C17orf113: variants seen among roughly 807,000 people sequenced by gnomAD.
The protein encoded by C17orf113 is chromosome 17 open reading frame 113, also known as uncharacterized protein C17orf113.
In C17orf113, 5 loss-of-function variants were observed where a neutral mutation model predicts 11.6. The ratio of observed to expected loss-of-function variants is 0.43; its 90% CI spans 0.23 to 0.91. The LOEUF (loss-of-function observed/expected upper bound fraction) is 0.91, where lower values mean the gene tolerates loss of function less well. Ranked by LOEUF, C17orf113 falls within the 40% of genes least tolerant of loss-of-function variation. C17orf113 has a pLI of 0.26. For synonymous variants in C17orf113, 327 were observed against 390.6 expected, an observed-to-expected ratio of 0.84 and a Z score of 1.92; for missense variants, 714 against 841.3, an observed-to-expected ratio of 0.85 and a Z score of 1.87.
chr17:42,048,744 C>T (rs540881373), intron 1 of C17orf113, among the ~76,000 whole-genome samples: 1 of 152,248 alleles, frequency 6.6e-6, no homozygotes, highest in South Asian at 2.1e-4. Flanking sequence ...TCCCTTCTCT[C>T]CACACCACTG....
Position 42,039,729 on chromosome 17 carries a change from G to T in C17orf113, c.2004C>A (p.Gly668=). 3 of 1,232,538 alleles carry T rather than the reference G, an allele frequency of 2.4e-6. No individual in the cohort carries two copies. Among genetic ancestry groups the T allele is most frequent in the Non-Finnish European group, 3.0e-6 (3 of 988,252 alleles). 76.4% of individuals were successfully genotyped at this position (1,232,538 alleles called of 1,614,324 possible). Residue 668 remains glycine, a synonymous_variant, in exon 3 of 3, where the codon GGC becomes GGA. Coordinates refer to ENST00000587304, the MANE Select transcript of C17orf113 (RefSeq NM_001358661.2). ...CTCAGGTGAGCTGCGACCCCAGGAAGCCCTCTCCCCACCCACTCTCTAAGA... is the reference window on the plus strand; with the variant it reads ...CTCAGGTGAGCTGCGACCCCAGGAATCCCTCTCCCCACCCACTCTCTAAGA... The part of the protein sequence containing the change: ...VEFLESGWGE[G]FLGSQLT
In C17orf113 at chr17:42,041,159, CCT is replaced by C. The variant is rs1307700681; in HGVS notation, c.572_573del (p.Glu191GlyfsTer38). ...GGGGATGCCTTCAGGCGCTGGCAGG[CCT>C]CTGTGTGCAAGACACTGGCAATGGC... ...QVAIASVLHTEACQRLKASPY... is the reference protein window; with the variant it reads ...QVAIASVLHTXACQRLKASPY... On this transcript the variant is annotated frameshift_variant, in exon 3 of 3. Coordinates refer to ENST00000587304, the MANE Select transcript of C17orf113 (RefSeq NM_001358661.2). LOFTEE classifies it low-confidence loss of function (END_TRUNC). The C allele has an allele frequency of 4.9e-6, 6 of 1,232,210 alleles. No individual in the cohort carries two copies. In the African/African-American group the frequency reaches 9.3e-5, roughly 19 times the overall value. 76.3% of individuals were successfully genotyped at this position (1,232,210 alleles called of 1,614,324 possible).
In C17orf113 at chr17:42,038,573, C is replaced by T. The variant is rs531635524; in HGVS notation, c.*1132G>A. The T allele has an allele frequency of 1.3e-5, 2 of 152,286 alleles. No homozygotes were observed. Among genetic ancestry groups the T allele is most frequent in the East Asian group, 3.9e-4 (2 of 5,180 alleles). 9.4% of individuals were successfully genotyped at this position (152,286 alleles called of 1,614,324 possible). A position where few individuals can be genotyped will look rare whatever the true frequency, so the allele number is the denominator to read the frequency against. On this transcript the variant is annotated 3_prime_UTR_variant, in exon 3 of 3. Transcript: ENST00000587304. ...GGCAAGGGCAGGGGAGGGGTAGGAA[C>T]TTGGAGAGCAACTGGACTTTGAGGA...
intron 1 of C17orf113, among the ~76,000 whole-genome samples, chr17:42,045,066 C>T (rs1323104136): frequency 2.0e-5 from 3 of 152,270 alleles, no homozygotes; most frequent in South Asian, 2.1e-4. Context: ...TACAGGCACC[C>T]GCCATCACGC....
At chr17:42,049,215 C>A (rs1358374115) in intron 1 of C17orf113, among the ~76,000 whole-genome samples, 1 of 152,188 alleles carries the variant, frequency 6.6e-6, no homozygotes, top group Middle Eastern at 3.2e-3. Context: ...TGGCCTGTTT[C>A]ATTTCCCCTT....
rs1215225668 is a variant in C17orf113 at position 42,039,890 on chromosome 17, C to G, written c.1843G>C (p.Asp615His). ...AGCTCCCGGCTGCGGCCGACCTTGT[C>G]CAGCAGGCCAGCGCCCGCGGGCAGC... ...LALPAGAGLLDKVGRSRELRW... is the reference protein window; with the variant it reads ...LALPAGAGLLHKVGRSRELRW... The change falls in exon 3 of 3, where the codon GAC becomes CAC. Residue 615 changes from aspartate to histidine, a missense_variant. Transcript: ENST00000587304. 16 of 1,231,378 alleles carry G rather than the reference C, an allele frequency of 1.3e-5. No homozygotes were observed. Among genetic ancestry groups the G allele is most frequent in the Non-Finnish European group, 1.5e-5 (15 of 987,746 alleles). 76.3% of individuals were successfully genotyped at this position (1,231,378 alleles called of 1,614,324 possible). A position where few individuals can be genotyped will look rare whatever the true frequency, so the allele number is the denominator to read the frequency against.
At chr17:42,048,376 CAA>C (rs34771406) in intron 1 of C17orf113, among the ~76,000 whole-genome samples, 472 of 124,742 alleles carry the variant, frequency 3.8e-3, no homozygotes, top group Admixed American at 4.4e-3. Flanking sequence ...CTGTCTTTAC[CAA>C]AAAAAAAAAA....
At position 42,040,030 on chromosome 17, in the gene C17orf113, A is replaced by G. The variant is rs1319050668; in HGVS notation, c.1703T>C (p.Val568Ala). ...LGDFALFKRV[V>A]FGLGRLGPRA... is the part of the protein sequence containing the mutation. ...CGGGCCGAGCCGCCCAAGGCCGAAT[A>G]CTACGCGCTTAAACAGCGCGAAGTC... The change falls in exon 3 of 3, where the codon GTA (valine) becomes GCA (alanine). Residue 568 changes from valine (V) to alanine (A), a missense_variant. Around this residue, in one of 3 missense-constraint regions of C17orf113, gnomAD observed 194 missense variants for 197.2 expected, o/e 0.98. Transcript: ENST00000587304. 3 of 1,230,918 alleles carry G rather than the reference A, an allele frequency of 2.4e-6. No individual in the cohort carries two copies. The African/African-American group carries it at 4.7e-5, about 19-fold the overall frequency. 76.2% of individuals were successfully genotyped at this position (1,230,918 alleles called of 1,614,324 possible).
rs2052988058 is a variant in C17orf113 at position 42,040,387 on chromosome 17, C to G, written c.1346G>C (p.Arg449Pro). The G allele has an allele frequency of 8.1e-7, 1 of 1,231,844 alleles. No individual in the cohort carries two copies. Among genetic ancestry groups the G allele is most frequent in the South Asian group, 4.1e-5 (1 of 24,330 alleles). The allele number at this position is 1,231,844 out of a possible 1,614,324, so 76.3% of individuals were successfully genotyped here. ...LQAQRGSGGA[R>P]LQGFLQELAS... Reference sequence around the variant, plus strand: ...CAGTTCCTGCAGGAAGCCCTGGAGGCGGGCCCCACCTGAGCCGCGCTGAGC... The same window carrying G: ...CAGTTCCTGCAGGAAGCCCTGGAGGGGGGCCCCACCTGAGCCGCGCTGAGC... Residue 449 changes from arginine to proline, a missense_variant, in exon 3 of 3, where the codon CGC becomes CCC. Coordinates refer to ENST00000587304, the MANE Select transcript of C17orf113 (RefSeq NM_001358661.2).
At chr17:42,047,133 G>A (rs578105768) in intron 1 of C17orf113, among the ~76,000 whole-genome samples, 88 of 151,448 alleles carry the variant, frequency 5.8e-4, no homozygotes, top group Admixed American at 4.3e-3. Flanking sequence ...CCGGGTTCAC[G>A]CCATTCTCCT....
rs139172849 is a variant in C17orf113 at position 42,045,850 on chromosome 17, C to T, written c.-187-2287G>A. 1.7e-4 allele frequency among the ~76,000 whole-genome samples: 26 copies of T among 152,318 alleles called. No individual in the cohort carries two copies. In the South Asian group the frequency reaches 1.9e-3, roughly 11 times the overall value. ...TGATATCCCACTGCCTAAGTCTACA[C>T]ACCTAACCACAAGCCAGCAAGGCCC... On this transcript the variant is annotated intron_variant, in intron 1 of 2. Transcript: ENST00000587304.
In C17orf113 at chr17:42,039,545, G is replaced by C. The variant is rs988643504; in HGVS notation, c.*160C>G. ...CCTTCCTCCACAGCCCACAGGGTGG[G>C]GGGGGTTGGTGGGAAGCTCCAGAAG... On this transcript the variant is annotated 3_prime_UTR_variant, in exon 3 of 3. Transcript: ENST00000587304. The C allele has an allele frequency of 5.1e-6, 3 of 590,122 alleles. No individual in the cohort carries two copies. The highest frequency in any genetic ancestry group is 1.9e-5 in the African/African-American group (1 of 52,086). 36.6% of individuals were successfully genotyped at this position (590,122 alleles called of 1,614,324 possible).
intron 1 of C17orf113, among the ~76,000 whole-genome samples, 172 bp from the exon 2 acceptor site, chr17:42,043,735 G>A (rs1203583651): frequency 6.6e-6 from 1 of 152,128 alleles, no homozygotes; most frequent in East Asian, 1.9e-4. Context: ...GGGCCCTAGA[G>A]CATTATCCAA....
At position 42,039,503 on chromosome 17, in the gene C17orf113, C is replaced by A; in HGVS notation, c.*202G>T. The A allele has an allele frequency of 2.4e-6, 1 of 409,830 alleles. No homozygotes were observed. 25.4% of individuals were successfully genotyped at this position (409,830 alleles called of 1,614,324 possible). On this transcript the variant is annotated 3_prime_UTR_variant, in exon 3 of 3. Coordinates refer to ENST00000587304, the MANE Select transcript of C17orf113 (RefSeq NM_001358661.2). ...TAGCATCTCTGCCCACCCGCCCAGG[C>A]CCCTCTTGAGCCAGTCCCTTCCTCC...
chr17:42,045,298 G>C (rs1225967810), intron 1 of C17orf113, among the ~76,000 whole-genome samples: 1 of 152,294 alleles, frequency 6.6e-6, no homozygotes, highest in Admixed American at 6.5e-5. Flanking sequence ...TGATCCGCCC[G>C]TCTCGGCCTC....
At position 42,043,348 on chromosome 17, in the gene C17orf113, C is replaced by T. The variant is rs901684756; in HGVS notation, c.29G>A (p.Gly10Glu). 34 of 1,232,130 alleles carry T rather than the reference C, an allele frequency of 2.8e-5. No homozygotes were observed. Among genetic ancestry groups the T allele is most frequent in the Middle Eastern group, 3.1e-4 (1 of 3,230 alleles). The allele number at this position is 1,232,130 out of a possible 1,614,324, so 76.3% of individuals were successfully genotyped here. A position where few individuals can be genotyped will look rare whatever the true frequency, so the allele number is the denominator to read the frequency against. The change falls in exon 2 of 3, where the codon GGA (glycine) becomes GAA (glutamate). Residue 10 changes from glycine (G) to glutamate (E), a missense_variant. Physicochemically the swap from Gly to Glu is moderately conservative, Grantham distance 98. Around this residue, in one of 3 missense-constraint regions of C17orf113, gnomAD observed 516 missense variants for 626.6 expected, o/e 0.82. Transcript: ENST00000587304. MVPPGKKPAGEASNSNKKCK... is the reference protein window; with the variant it reads MVPPGKKPAEEASNSNKKCK... ...CTTCTTGTTGGAGTTGGAGGCCTCT[C>T]CCGCTGGTTTCTTCCCTGGGGGCAC...
intron 1 of C17orf113, among the ~76,000 whole-genome samples, chr17:42,047,942 C>T (rs1281470927): frequency 6.6e-6 from 1 of 152,086 alleles, no homozygotes; most frequent in African/African-American, 2.4e-5. Context: ...TGTGAGCCAC[C>T]GTGCCTGGCC....
At chr17:42,047,943 G>A (rs1335547504) in intron 1 of C17orf113, among the ~76,000 whole-genome samples, 4 of 152,028 alleles carry the variant, frequency 2.6e-5, no homozygotes, top group South Asian at 2.1e-4. Flanking sequence ...GTGAGCCACC[G>A]TGCCTGGCCC....
rs2052969672 is a variant in C17orf113 at position 42,039,939 on chromosome 17, G to A, written c.1794C>T (p.Ala598=). The A allele has an allele frequency of 2.4e-6, 3 of 1,231,204 alleles. No individual in the cohort carries two copies. Among genetic ancestry groups the A allele is most frequent in the Non-Finnish European group, 3.0e-6 (3 of 987,588 alleles). The allele number at this position is 1,231,204 out of a possible 1,614,324, so 76.3% of individuals were successfully genotyped here. The change falls in exon 3 of 3, where the codon GCC becomes GCT. Residue 598 remains alanine, a synonymous_variant. Coordinates refer to ENST00000587304, the MANE Select transcript of C17orf113 (RefSeq NM_001358661.2). The part of the protein sequence containing the change: ...SELHELFPDF[A]ALAALALALP... ...GCGCCAAAGCCAAGGCGGCTAGGGC[G>A]GCGAAGTCGGGGAAGAGCTCGTGCA...
Sources: gnomAD v4.1 joint callset for allele counts (sites outside exome capture counted in the v4.1 genomes callset) on GRCh38, gnomAD v4.1.1 for gene constraint, gnomAD v4.1.1 regional missense constraint, MANE v1.5 for transcripts, NCBI Gene and HGNC (gene_info 2026-07-23, HGNC 2026-07-21) for gene names.